Variants in IARS1 observed in about 807,000 individuals in gnomAD.
IARS1 encodes the protein isoleucine--tRNA ligase, cytoplasmic.
A neutral mutation model predicts 168.2 loss-of-function variants in IARS1; 124 were observed. The ratio of observed to expected loss-of-function variants is 0.74; its 90% CI spans 0.64 to 0.86. The LOEUF is 0.86. Ranked by LOEUF, IARS1 falls within the 40% of genes least tolerant of loss-of-function variation. IARS1 has a pLI of 0.00. For synonymous variants in IARS1, 532 were observed against 529.4 expected, an observed-to-expected ratio of 1.00 and a Z score of -0.07; for missense variants, 1,452 against 1,515.8, an observed-to-expected ratio of 0.96 and a Z score of 0.70.
In IARS1 at chr9:92,210,571, T is replaced by G; in HGVS notation, c.*236A>C. 1 of 412,778 alleles carries G rather than the reference T, an allele frequency of 2.4e-6. No individual in the cohort carries two copies. The allele number at this position is 412,778 out of a possible 1,614,324, so 25.6% of individuals were successfully genotyped here. On this transcript the variant is annotated 3_prime_UTR_variant, in exon 34 of 34. Transcript: ENST00000443024. ...AATAAACTGTGGGCTGAAGTAACAT[T>G]GTAACCTGCTCCCAACATGACTGCA...
intron 12 of IARS1, among the ~76,000 whole-genome samples, chr9:92,270,747 G>A (rs898639860): frequency 6.6e-6 from 1 of 152,112 alleles, no homozygotes; most frequent in African/African-American, 2.4e-5. Context: ...AGTGAGCTGT[G>A]ATTGCACCAC....
intron 20 of IARS1, among the ~76,000 whole-genome samples, chr9:92,254,575 A>C (rs1830461203): frequency 6.6e-6 from 1 of 152,172 alleles, no homozygotes; most frequent in African/African-American, 2.4e-5. Context: ...TTTCTTAGAC[A>C]TGTGATTTCA....
rs145176943 is a variant in IARS1 at position 92,235,891 on chromosome 9, A to G, written c.3283+4965T>C. On this transcript the variant is annotated intron_variant, in intron 30 of 33. Transcript: ENST00000443024. ...AATAAATCCCACTTGGTGATGGTGC[A>G]TAATTCTTTGTATACATAGCTGAAT... 2.2e-3 allele frequency among the ~76,000 whole-genome samples: 336 copies of G among 152,346 alleles called. 4 individuals are homozygous for G. The highest frequency in any genetic ancestry group is 7.6e-3 in the African/African-American group (314 of 41,588).
intron 10 of IARS1, among the ~76,000 whole-genome samples, chr9:92,273,113 C>A: frequency 7.1e-6 from 1 of 141,406 alleles, no homozygotes; most frequent in African/African-American, 2.7e-5. Flanking sequence ...GCCTGGGTGA[C>A]AGAGCGAGAC....
chr9:92,275,442 G>A (rs2133903504), intron 9 of IARS1, among the ~76,000 whole-genome samples: 1 of 152,166 alleles, frequency 6.6e-6, no homozygotes, highest in South Asian at 2.1e-4. Context: ...CGGTTTCTTT[G>A]GAACTTAAAA....
In IARS1 at chr9:92,267,124, G is replaced by T. The variant is rs148463323; in HGVS notation, c.1431+1050C>A. On this transcript the variant is annotated intron_variant, in intron 14 of 33. Coordinates refer to ENST00000443024, the MANE Select transcript of IARS1 (RefSeq NM_002161.6). ...ATTAAAGCAATCAGACAAAGCCACA[G>T]GATGCTAGGATTATATCCAGGTAAA... 7.2e-5 allele frequency among the ~76,000 whole-genome samples: 11 copies of T among 152,306 alleles called. No individual in the cohort carries two copies. The East Asian group carries it at 1.2e-3, about 16-fold the overall frequency.
chr9:92,277,392 G>A lies in IARS1; in HGVS notation c.894+471C>T, dbSNP rs371681709. On this transcript the variant is annotated intron_variant, in intron 9 of 33. Transcript: ENST00000443024. ...GTCAGCCAAGATCGCGCTATTGCAC[G>A]ATATTTGCACTCCATCTCAAAAACA... Among the ~76,000 whole-genome samples, 39 of 152,070 alleles carry A rather than the reference G, an allele frequency of 2.6e-4. 1 individual carries two copies. In the South Asian group the frequency reaches 2.7e-3, roughly 11 times the overall value.
chr9:92,263,695 GGA>G (rs1831861946), intron 16 of IARS1, among the ~76,000 whole-genome samples: 1 of 152,148 alleles, frequency 6.6e-6, no homozygotes. Flanking sequence ...CACTTCTAAA[GGA>G]GAGTTGGGAG....
At chr9:92,259,378 G>C (rs754748086) in intron 18 of IARS1, among the ~76,000 whole-genome samples, 3 of 152,178 alleles carry the variant, frequency 2.0e-5, no homozygotes, top group Non-Finnish European at 4.4e-5. Context: ...TGCAGAGAGA[G>C]GGACTCACAA....
intron 3 of IARS1, 85 bp from the exon 4 acceptor site, chr9:92,287,995 A>G: frequency 1.9e-6 from 3 of 1,557,306 alleles, no homozygotes; most frequent in Non-Finnish European, 2.6e-6. Flanking sequence ...AACAAATCAA[A>G]CTACAAATAT....
chr9:92,266,853 C>T (rs1040070517), intron 14 of IARS1, among the ~76,000 whole-genome samples: 1 of 152,234 alleles, frequency 6.6e-6, no homozygotes, highest in African/African-American at 2.4e-5. Context: ...TTCAACTTTC[C>T]AGTCATGCAG....
chr9:92,280,077 A>G (rs1394607685), intron 7 of IARS1, among the ~76,000 whole-genome samples: 2 of 152,168 alleles, frequency 1.3e-5, no homozygotes, highest in African/African-American at 2.4e-5. Context: ...TCTTTTGACT[A>G]CTGTGAATAA....
At chr9:92,218,505 T>C (rs1839129900) in intron 33 of IARS1, among the ~76,000 whole-genome samples, 6 of 110,792 alleles carry the variant, frequency 5.4e-5, no homozygotes, top group Admixed American at 9.4e-5. Flanking sequence ...GCAGATGACA[T>C]GATTGTATAT....
chr9:92,265,991 C>A (rs1194751431), intron 14 of IARS1, among the ~76,000 whole-genome samples: 1 of 152,134 alleles, frequency 6.6e-6, no homozygotes, highest in Non-Finnish European at 1.5e-5. Flanking sequence ...ACACACCAAT[C>A]TGGGCCGAAG....
intron 9 of IARS1, among the ~76,000 whole-genome samples, chr9:92,276,947 C>T (rs1306373320): frequency 1.3e-5 from 2 of 152,130 alleles, no homozygotes; most frequent in South Asian, 2.1e-4. Context: ...TGAGCTCTGT[C>T]GTGGTGCCTA....
At chr9:92,291,943 T>C (rs1836408389) in intron 1 of IARS1, among the ~76,000 whole-genome samples, 2 of 152,200 alleles carry the variant, frequency 1.3e-5, no homozygotes, top group Admixed American at 1.3e-4. Flanking sequence ...TTCTAACAAT[T>C]ATTCAGGAAT....
intron 16 of IARS1, among the ~76,000 whole-genome samples, chr9:92,263,532 T>C (rs1831837495): frequency 6.6e-6 from 1 of 152,220 alleles, no homozygotes; most frequent in South Asian, 2.1e-4. Context: ...ACCTAGCTTG[T>C]TTCCCAAATG....
At chr9:92,273,819 G>C (rs1833426372) in intron 10 of IARS1, among the ~76,000 whole-genome samples, 1 of 152,192 alleles carries the variant, frequency 6.6e-6, no homozygotes, top group South Asian at 2.1e-4. Context: ...ATCAAGCCTA[G>C]AGGAATGTGT....
At chr9:92,287,580 C>A in intron 4 of IARS1, 1 of 407,370 alleles carries the variant, frequency 2.5e-6, no homozygotes, top group African/African-American at 2.1e-5. Flanking sequence ...GGTGATCATG[C>A]AAGAAAGTTA....
Sources: allele counts gnomAD v4.1 joint callset (sites outside exome capture counted in the v4.1 genomes callset), GRCh38; gene constraint gnomAD v4.1.1; transcripts MANE v1.5; gene names NCBI Gene and HGNC (gene_info 2026-07-23, HGNC 2026-07-21).